MARCHF11: variants seen among roughly 807,000 people sequenced by gnomAD.
MARCHF11 encodes E3 ubiquitin-protein ligase MARCHF11.
Under a neutral mutation model 37.3 loss-of-function variants are expected in MARCHF11, and 29 were observed. The observed-to-expected ratio is 0.78, with a 90% CI of 0.58 to 1.06. MARCHF11 has a LOEUF of 1.06. Ranked by LOEUF, MARCHF11 falls within the 50% of genes least tolerant of loss-of-function variation. The probability of loss-of-function intolerance (pLI) is 0.00; values close to 1 mark genes in which losing one functional copy is unlikely to be tolerated. For synonymous variants in MARCHF11, 233 were observed against 228.0 expected (o/e 1.02, Z -0.20); for missense variants, 482 against 533.4 (o/e 0.90, Z 0.95).
intron 2 of MARCHF11, among the ~76,000 whole-genome samples, chr5:16,126,304 G>A (rs1470144646): frequency 1.3e-5 from 2 of 152,164 alleles, no homozygotes; most frequent in Admixed American, 6.5e-5. Flanking sequence ...TGATTAGCAT[G>A]GTGCTCCCCA....
intron 3 of MARCHF11, among the ~76,000 whole-genome samples, chr5:16,068,670 T>C (rs1736388990): frequency 6.6e-6 from 1 of 152,198 alleles, no homozygotes; most frequent in Non-Finnish European, 1.5e-5. Flanking sequence ...ATCTCCACTA[T>C]CCACTCCAGA....
At chr5:16,088,474 T>A (rs1736736142) in intron 3 of MARCHF11, among the ~76,000 whole-genome samples, 1 of 152,188 alleles carries the variant, frequency 6.6e-6, no homozygotes, top group Non-Finnish European at 1.5e-5. Flanking sequence ...TGCCTCTAAA[T>A]CTTCCAGTCG....
chr5:16,125,172 G>A (rs911008729), intron 2 of MARCHF11, among the ~76,000 whole-genome samples: 3 of 151,264 alleles, frequency 2.0e-5, no homozygotes, highest in South Asian at 2.1e-4. Context: ...ATAGCCCCCC[G>A]ATAACTGTGA....
chr5:16,072,726 C>A (rs113354027), intron 3 of MARCHF11, among the ~76,000 whole-genome samples: 2,077 of 152,214 alleles, frequency 0.014, 41 homozygotes, highest in African/African-American at 0.042. Flanking sequence ...TTGCCCTGCA[C>A]TCCTTTGTGG....
intron 2 of MARCHF11, among the ~76,000 whole-genome samples, chr5:16,121,391 G>A (rs1737307579): frequency 6.6e-6 from 1 of 152,104 alleles, no homozygotes. Flanking sequence ...TCATCCCTAT[G>A]TCTCCAGTAA....
chr5:16,143,386 T>C (rs1229089732), intron 2 of MARCHF11, among the ~76,000 whole-genome samples: 1 of 152,224 alleles, frequency 6.6e-6, no homozygotes. Flanking sequence ...ATCTGGCCCG[T>C]TGGGCCAAGG....
At chr5:16,125,741 T>C (rs1472190664) in intron 2 of MARCHF11, among the ~76,000 whole-genome samples, 1 of 151,512 alleles carries the variant, frequency 6.6e-6, no homozygotes, top group Non-Finnish European at 1.5e-5. Context: ...AGTGGCCCAA[T>C]TGTGAGGAAA....
intron 2 of MARCHF11, among the ~76,000 whole-genome samples, chr5:16,108,619 C>T (rs1000373967): frequency 6.6e-6 from 1 of 152,012 alleles, no homozygotes; most frequent in Non-Finnish European, 1.5e-5. Flanking sequence ...TGTTTGCTTC[C>T]AGACGCCCCA....
intron 2 of MARCHF11, among the ~76,000 whole-genome samples, chr5:16,174,658 A>G (rs1333943487): frequency 6.6e-6 from 1 of 152,254 alleles, no homozygotes; most frequent in Non-Finnish European, 1.5e-5. Context: ...TACATCAAGC[A>G]TCACTGGTGA....
chr5:16,152,544 A>C (rs1005379162), intron 2 of MARCHF11, among the ~76,000 whole-genome samples: 69 of 151,946 alleles, frequency 4.5e-4, no homozygotes, highest in Admixed American at 3.9e-4. Context: ...ATTATCTACA[A>C]ACGGTTTTCA....
intron 2 of MARCHF11, among the ~76,000 whole-genome samples, chr5:16,168,281 C>A (rs558984057): frequency 6.6e-6 from 1 of 152,180 alleles, no homozygotes; most frequent in South Asian, 2.1e-4. Flanking sequence ...CATCACCCAT[C>A]CTTATATGTT....
At chr5:16,116,334 T>C (rs1455054016) in intron 2 of MARCHF11, among the ~76,000 whole-genome samples, 2 of 152,128 alleles carry the variant, frequency 1.3e-5, no homozygotes, top group Admixed American at 6.5e-5. Flanking sequence ...CCCCAGGAAA[T>C]AGACAGCATC....
chr5:16,081,496 T>C (rs141814478), intron 3 of MARCHF11, among the ~76,000 whole-genome samples: 1,558 of 152,330 alleles, frequency 0.01, 19 homozygotes, highest in African/African-American at 0.035. Flanking sequence ...CATTCTTAGA[T>C]CCCGGGCTGT....
At chr5:16,138,031 A>G (rs1737636135) in intron 2 of MARCHF11, among the ~76,000 whole-genome samples, 1 of 152,242 alleles carries the variant, frequency 6.6e-6, no homozygotes, top group Non-Finnish European at 1.5e-5. Context: ...TGACAATGCA[A>G]TAGAAAAGAA....
chr5:16,080,414 G>A (rs2126549083), intron 3 of MARCHF11, among the ~76,000 whole-genome samples: 1 of 152,060 alleles, frequency 6.6e-6, no homozygotes, highest in East Asian at 1.9e-4. Context: ...GCATTTCTCT[G>A]CAGACACTGG....
At chr5:16,114,622 C>T (rs575410291) in intron 2 of MARCHF11, among the ~76,000 whole-genome samples, 1 of 152,090 alleles carries the variant, frequency 6.6e-6, no homozygotes, top group East Asian at 1.9e-4. Flanking sequence ...GGATCCACTG[C>T]CTGTGTGTAA....
At chr5:16,142,830 T>G (rs997461848) in intron 2 of MARCHF11, among the ~76,000 whole-genome samples, 16 of 149,432 alleles carry the variant, frequency 1.1e-4, no homozygotes, top group African/African-American at 3.5e-4. Context: ...TAGCTGAGAT[T>G]ACAGACATCT....
intron 2 of MARCHF11, among the ~76,000 whole-genome samples, chr5:16,114,855 G>A (rs1285522617): frequency 6.6e-6 from 1 of 152,100 alleles, no homozygotes; most frequent in Admixed American, 6.5e-5. Flanking sequence ...ATGAAATATA[G>A]TATAGTTTTT....
intron 2 of MARCHF11, among the ~76,000 whole-genome samples, chr5:16,115,333 T>A (rs1047456041): frequency 1.3e-5 from 2 of 152,198 alleles, no homozygotes; most frequent in South Asian, 2.1e-4. Flanking sequence ...TCTCACATTG[T>A]GGGTGCTGGC....
Sources: gnomAD v4.1 joint callset for allele counts (sites outside exome capture counted in the v4.1 genomes callset) on GRCh38, gnomAD v4.1.1 for gene constraint, MANE v1.5 for transcripts, NCBI Gene and HGNC (gene_info 2026-07-23, HGNC 2026-07-21) for gene names.